CADM2: variants seen among roughly 807,000 people sequenced by gnomAD.
The protein encoded by CADM2 is immunoglobulin superfamily member 4D.
CADM2 carries 12 observed loss-of-function variants against 49.8 expected under a neutral mutation model. That is an observed-to-expected ratio of 0.24 (90% CI 0.15 to 0.39). CADM2 has a LOEUF of 0.39. CADM2 is among the 10% of genes least tolerant of loss of function. CADM2 has a pLI of 1.00. For missense variants in CADM2, 378 were observed against 492.3 expected, an observed-to-expected ratio of 0.77 and a Z score of 2.20; for synonymous variants, 214 against 175.4, an observed-to-expected ratio of 1.22 and a Z score of -1.74.
intron 8 of CADM2, among the ~76,000 whole-genome samples, chr3:86,031,360 C>A (rs576290201): frequency 6.6e-6 from 1 of 151,814 alleles, no homozygotes; most frequent in Non-Finnish European, 1.5e-5. Flanking sequence ...AGATATGAAC[C>A]ATCTGAGCCT....
intron 1 of CADM2, among the ~76,000 whole-genome samples, chr3:85,567,714 T>G (rs1478746919): frequency 1.3e-5 from 2 of 152,180 alleles, no homozygotes; most frequent in African/African-American, 4.8e-5. Context: ...CACACAATTA[T>G]GGAGGCTTAA....
intron 8 of CADM2, among the ~76,000 whole-genome samples, chr3:86,055,939 A>G (rs1737933454): frequency 1.3e-5 from 2 of 152,190 alleles, no homozygotes; most frequent in African/African-American, 4.8e-5. Context: ...TTAAAAAGAG[A>G]CTACTATTTT....
chr3:85,325,866 G>A (rs1336315441), intron 1 of CADM2, among the ~76,000 whole-genome samples: 1 of 152,078 alleles, frequency 6.6e-6, no homozygotes, highest in East Asian at 1.9e-4. Context: ...TCCAGAAAAT[G>A]AGTAAAATTC....
At chr3:84,979,288 G>A (rs545163936) in intron 1 of CADM2, among the ~76,000 whole-genome samples, 1 of 152,150 alleles carries the variant, frequency 6.6e-6, no homozygotes, top group East Asian at 1.9e-4. Flanking sequence ...TTTAAAAATA[G>A]GTTTGCTGCT....
chr3:85,125,102 T>G (rs2038985594), intron 1 of CADM2, among the ~76,000 whole-genome samples: 1 of 152,280 alleles, frequency 6.6e-6, no homozygotes, highest in African/African-American at 2.4e-5. Context: ...TCTTAGTCAT[T>G]GAGCTTATTA....
intron 1 of CADM2, among the ~76,000 whole-genome samples, chr3:85,420,927 C>G (rs2036140604): frequency 6.6e-6 from 1 of 151,934 alleles, no homozygotes; most frequent in African/African-American, 2.4e-5. Context: ...AACCACTGAC[C>G]TCCTAACAGC....
chr3:85,080,260 C>T (rs565218673), intron 1 of CADM2, among the ~76,000 whole-genome samples: 7 of 152,058 alleles, frequency 4.6e-5, no homozygotes, highest in African/African-American at 1.7e-4. Context: ...CATTACATGC[C>T]TCTTAACTCC....
intron 1 of CADM2, among the ~76,000 whole-genome samples, chr3:85,098,245 A>G (rs2037876295): frequency 2.8e-5 from 4 of 144,440 alleles, no homozygotes. Context: ...CTTATCCTGG[A>G]CATTATCGTA....
intron 1 of CADM2, among the ~76,000 whole-genome samples, chr3:85,643,277 G>T (rs1178624509): frequency 1.3e-5 from 2 of 152,122 alleles, no homozygotes; most frequent in African/African-American, 2.4e-5. Flanking sequence ...GCACAGAATA[G>T]CATGCTGCAT....
At chr3:85,648,050 ACTGTTT>A (rs2064939792) in intron 1 of CADM2, among the ~76,000 whole-genome samples, 2 of 151,828 alleles carry the variant, frequency 1.3e-5, no homozygotes, top group Non-Finnish European at 3.0e-5. Flanking sequence ...CCATTAAGAA[ACTGTTT>A]CAAAACACTT....
chr3:85,906,339 A>G (rs1716809854), intron 5 of CADM2, among the ~76,000 whole-genome samples: 2 of 152,148 alleles, frequency 1.3e-5, no homozygotes, highest in South Asian at 4.1e-4. Context: ...TATGAAAAGC[A>G]TTGACATTTT....
intron 1 of CADM2, among the ~76,000 whole-genome samples, chr3:85,022,464 A>C (rs1334591285): frequency 6.6e-6 from 1 of 152,190 alleles, no homozygotes; most frequent in Non-Finnish European, 1.5e-5. Flanking sequence ...GCTTCCCCAG[A>C]GAAGTGTTTC....
intron 1 of CADM2, among the ~76,000 whole-genome samples, chr3:85,232,363 A>C (rs2042313651): frequency 6.6e-6 from 1 of 152,192 alleles, no homozygotes; most frequent in Non-Finnish European, 1.5e-5. Context: ...TATATCTCAT[A>C]CAAATATACA....
intron 1 of CADM2, among the ~76,000 whole-genome samples, chr3:85,237,556 A>G (rs1052061872): frequency 7.3e-5 from 11 of 151,262 alleles, no homozygotes; most frequent in African/African-American, 2.4e-4. Flanking sequence ...ATATAAATAC[A>G]TAAATATAAA....
At chr3:85,296,800 CCAAA>C (rs1317329771) in intron 1 of CADM2, among the ~76,000 whole-genome samples, 1 of 152,068 alleles carries the variant, frequency 6.6e-6, no homozygotes, top group Non-Finnish European at 1.5e-5. Context: ...ATGATTTCTT[CCAAA>C]CAGATAGAGG....
chr3:85,232,649 G>A (rs1011993037), intron 1 of CADM2, among the ~76,000 whole-genome samples: 7 of 151,916 alleles, frequency 4.6e-5, no homozygotes, highest in Non-Finnish European at 2.9e-5. Context: ...CTTTACTGAT[G>A]GCGAATAAAC....
chr3:85,948,336 G>A (rs73132654), intron 7 of CADM2, among the ~76,000 whole-genome samples: 45,897 of 150,648 alleles, frequency 0.3, 8,575 homozygotes, highest in Non-Finnish European at 0.42. Context: ...CATTTTTTTC[G>A]TAACATGTAT....
intron 1 of CADM2, among the ~76,000 whole-genome samples, chr3:85,591,039 TTGGTCAGAAGTGCTATCAC>T (rs1439471843): frequency 1.3e-5 from 2 of 151,908 alleles, no homozygotes; most frequent in Admixed American, 1.3e-4. Flanking sequence ...AAATAAGAGT[TTGGTCAGAAGTGCTATCAC>T]TGGTCTTGCC....
At chr3:85,767,797 T>G (rs2069731935) in intron 2 of CADM2, among the ~76,000 whole-genome samples, 1 of 152,154 alleles carries the variant, frequency 6.6e-6, no homozygotes, top group South Asian at 2.1e-4. Flanking sequence ...CATACCTCCA[T>G]CTCTATTCCA....
Sources: allele counts gnomAD v4.1 joint callset (sites outside exome capture counted in the v4.1 genomes callset), GRCh38; gene constraint gnomAD v4.1.1; transcripts MANE v1.5; gene names NCBI Gene and HGNC (gene_info 2026-07-23, HGNC 2026-07-21).